The following ADH7 variants were observed in gnomAD, a reference collection of about 807,000 sequenced individuals.
ADH7 encodes alcohol dehydrogenase 7 (class IV), mu or sigma polypeptide.
ADH7 carries 41 observed loss-of-function variants against 34.4 expected under a neutral mutation model. The ratio of observed to expected loss-of-function variants is 1.19; its 90% CI spans 0.93 to 1.55. The LOEUF (loss-of-function observed/expected upper bound fraction) is 1.55, where lower values mean the gene tolerates loss of function less well. ADH7 is among the 40% of genes most tolerant of loss of function. The probability of loss-of-function intolerance (pLI) is 0.00; values close to 1 mark genes in which losing one functional copy is unlikely to be tolerated. For missense variants in ADH7, 540 were observed against 461.2 expected (o/e 1.17, Z -1.56); for synonymous variants, 180 against 160.9 (o/e 1.12, Z -0.90).
At chr4:99,434,515 G>C (rs1722004329) in intron 1 of ADH7, among the ~76,000 whole-genome samples, 1 of 151,776 alleles carries the variant, frequency 6.6e-6, no homozygotes, top group African/African-American at 2.4e-5. Flanking sequence ...AAAAAATTTA[G>C]TCCTTTAAGC....
intron 1 of ADH7, among the ~76,000 whole-genome samples, chr4:99,433,831 C>A (rs1249700744): frequency 6.6e-6 from 1 of 152,024 alleles, no homozygotes; most frequent in East Asian, 1.9e-4. Flanking sequence ...TTTAAGCCAC[C>A]CAGTCTGTGA....
rs140998110 is a variant in ADH7 at position 99,427,803 on chromosome 4, A to C, written c.534T>G (p.Thr178=). ...CAGTTTTAACAGCAGCGCCATATCC[A>C]GTGGAAAACCCACAGCCAATTAAAC... The part of the protein sequence containing the change: ...KVCLIGCGFS[T]GYGAAVKTGK... The change falls in exon 5 of 9, where the codon ACT becomes ACG. Residue 178 remains threonine (T), a synonymous_variant. Coordinates refer to ENST00000437033, the MANE Select transcript of ADH7 (RefSeq NM_000673.7). 6.3e-7 allele frequency: 1 copy of C among 1,596,276 alleles called. No individual in the cohort carries two copies. The highest frequency in any genetic ancestry group is 1.3e-5 in the African/African-American group (1 of 74,620).
At chr4:99,418,310 A>G (rs1560560364) in intron 7 of ADH7, among the ~76,000 whole-genome samples, 1 of 152,114 alleles carries the variant, frequency 6.6e-6, no homozygotes, top group African/African-American at 2.4e-5. Context: ...ACTCTTAACA[A>G]GTACTTGAAT....
intron 7 of ADH7, among the ~76,000 whole-genome samples, chr4:99,417,049 C>T (rs377208982): frequency 6.6e-6 from 1 of 152,076 alleles, no homozygotes; most frequent in African/African-American, 2.4e-5. Context: ...CTCACCAGCC[C>T]CATCACTCCA....
rs747677354 is a variant in ADH7 at position 99,427,760 on chromosome 4, C to T, written c.564+13G>A. The T allele has an allele frequency of 5.3e-6, 8 of 1,500,460 alleles. No homozygotes were observed. The highest frequency in any genetic ancestry group is 3.6e-4 in the Middle Eastern group (2 of 5,590). The allele number at this position is 1,500,460 out of a possible 1,614,324, so 92.9% of individuals were successfully genotyped here. ...AAAGAAGAACAAATAAACTAGCCTA[C>T]CCTGTTTCTTACCTTGCCAGTTTTA... On this transcript the variant is annotated intron_variant, in intron 5 of 8. Coordinates refer to ENST00000437033, the MANE Select transcript of ADH7 (RefSeq NM_000673.7).
chr4:99,429,388 A>G (rs889691222), intron 2 of ADH7, 144 bp downstream of exon 2: 2 of 575,854 alleles, frequency 3.5e-6, no homozygotes, highest in Non-Finnish European at 6.0e-6. Context: ...CAGATCCTTA[A>G]CAATATATAA....
chr4:99,420,181 C>T (rs1721614672), intron 6 of ADH7, among the ~76,000 whole-genome samples: 1 of 152,180 alleles, frequency 6.6e-6, no homozygotes, highest in African/African-American at 2.4e-5. Flanking sequence ...CAGTCACCTT[C>T]TGATGCTTAC....
At chr4:99,426,836 A>ACAG in intron 5 of ADH7, among the ~76,000 whole-genome samples, 1 of 152,274 alleles carries the variant, frequency 6.6e-6, no homozygotes, top group East Asian at 1.9e-4. Context: ...ACCGAATCCA[A>ACAG]CAGCACATCA....
Position 99,415,477 on chromosome 4 carries a change from C to A in ADH7, c.1100+1G>T, listed in dbSNP as rs1308215241. On this transcript the variant is annotated splice_donor_variant, in intron 8 of 8. Transcript: ENST00000437033. LOFTEE classifies it high-confidence loss of function. Reference sequence around the variant, plus strand: ...ACAAGATCATCATAAGAAACAGTTACCTTTGTCCTGAATTGAGCAGCTCAA... The same window carrying A: ...ACAAGATCATCATAAGAAACAGTTAACTTTGTCCTGAATTGAGCAGCTCAA... 6.2e-7 allele frequency: 1 copy of A among 1,610,550 alleles called. No homozygotes were observed. Among genetic ancestry groups the A allele is most frequent in the Non-Finnish European group, 8.5e-7 (1 of 1,178,380 alleles).
chr4:99,424,832 T>G (rs1385603983), intron 5 of ADH7, among the ~76,000 whole-genome samples: 3 of 152,052 alleles, frequency 2.0e-5, no homozygotes, highest in Non-Finnish European at 2.9e-5. Context: ...CAGGGACAAT[T>G]TGACTTCCTC....
chr4:99,422,820 A>G (rs1721697713), intron 5 of ADH7, among the ~76,000 whole-genome samples: 1 of 147,372 alleles, frequency 6.8e-6, no homozygotes, highest in Non-Finnish European at 1.5e-5. Flanking sequence ...TTTTTTTCTA[A>G]TAAAATAGAC....
intron 5 of ADH7, among the ~76,000 whole-genome samples, chr4:99,425,467 C>T (rs1721778088): frequency 6.6e-6 from 1 of 152,072 alleles, no homozygotes; most frequent in Admixed American, 6.6e-5. Flanking sequence ...CAAAGAAGGC[C>T]ATTACATAGT....
At chr4:99,427,160 T>C (rs894212417) in intron 5 of ADH7, among the ~76,000 whole-genome samples, 18 of 152,154 alleles carry the variant, frequency 1.2e-4, no homozygotes, top group African/African-American at 4.3e-4. Flanking sequence ...CTATCTAACA[T>C]CACAGTTGAT....
chr4:99,416,847 G>T (rs963710278), intron 7 of ADH7, among the ~76,000 whole-genome samples: 29 of 151,972 alleles, frequency 1.9e-4, no homozygotes, highest in African/African-American at 6.8e-4. Context: ...ACCACTCCTG[G>T]TTTCTACCAC....
At chr4:99,419,167 A>G (rs1012618687) in intron 6 of ADH7, 46 bp from the exon 7 acceptor site, 1 of 1,591,148 alleles carries the variant, frequency 6.3e-7, no homozygotes, top group Non-Finnish European at 8.6e-7. Context: ...TGTCTCTTAC[A>G]GTGTGACATA....
chr4:99,420,605 A>G lies in ADH7; in HGVS notation c.753T>C (p.Ser251=), dbSNP rs1721627205. ...TGCCTGTCATTTCTGACAGCACCTCACTGATGGGTTTGGTAGAGTCCTTGG... is the reference window on the plus strand; with the variant it reads ...TGCCTGTCATTTCTGACAGCACCTCGCTGATGGGTTTGGTAGAGTCCTTGG... ...ISPKDSTKPI[S]EVLSEMTGNN... The change falls in exon 6 of 9, where the codon AGT becomes AGC. Residue 251 remains serine (S), a synonymous_variant. Transcript: ENST00000437033. 1 of 1,613,770 alleles carries G rather than the reference A, an allele frequency of 6.2e-7. No homozygotes were observed. The highest frequency in any genetic ancestry group is 1.1e-5 in the South Asian group (1 of 91,076).
rs185130699 is a variant in ADH7 at position 99,429,239 on chromosome 4, C to A, written c.120+293G>T. ...ACTCCCAGAAGATTTTAAAAGAAGT[C>A]TTTAGCTATGATTATTAACCATTTT... On this transcript the variant is annotated intron_variant, in intron 2 of 8. Coordinates refer to ENST00000437033, the MANE Select transcript of ADH7 (RefSeq NM_000673.7). Among the ~76,000 whole-genome samples the A allele has an allele frequency of 5.9e-5, 9 of 152,278 alleles. No individual in the cohort carries two copies. In the East Asian group the frequency reaches 1.5e-3, roughly 26 times the overall value.
chr4:99,427,647 G>C (rs1160132625), intron 5 of ADH7, 126 bp downstream of exon 5: 1 of 595,746 alleles, frequency 1.7e-6, no homozygotes, highest in East Asian at 3.4e-5. Flanking sequence ...TGTGTTGCTT[G>C]GCAGCCTGAA....
intron 5 of ADH7, among the ~76,000 whole-genome samples, chr4:99,423,707 C>A (rs1721727307): frequency 6.6e-6 from 1 of 152,078 alleles, no homozygotes; most frequent in Admixed American, 6.6e-5. Context: ...TGTCCTTTGC[C>A]CACTTTTTGA....
Sources: gnomAD v4.1 joint callset for allele counts (sites outside exome capture counted in the v4.1 genomes callset) on GRCh38, gnomAD v4.1.1 for gene constraint, MANE v1.5 for transcripts, NCBI Gene and HGNC (gene_info 2026-07-23, HGNC 2026-07-21) for gene names.